Variants in FTCDNL1 observed in about 807,000 individuals in gnomAD.
FTCDNL1 encodes the protein formiminotransferase N-terminal subdomain-containing protein.
Under a neutral mutation model 5.9 loss-of-function variants are expected in FTCDNL1, and 11 were observed. The ratio of observed to expected loss-of-function variants is 1.87; its 90% CI spans 1.18 to 3.10. FTCDNL1 has a LOEUF of 3.10. Ranked by LOEUF, FTCDNL1 falls within the 30% of genes most tolerant of loss-of-function variation. The pLI is 0.00. For missense variants in FTCDNL1, 115 were observed against 65.5 expected (o/e 1.76, Z -2.61); for synonymous variants, 58 against 24.8 (o/e 2.34, Z -3.99).
At chr2:199,717,854 A>G in the FTCDNL1 span, among the ~76,000 whole-genome samples, 4 of 152,002 alleles carry the variant, frequency 2.6e-5, no homozygotes, top group African/African-American at 7.3e-5. Flanking sequence ...GTTATTTTCA[A>G]AGAACAAGAT....
intron 3 of FTCDNL1, among the ~76,000 whole-genome samples, chr2:199,777,248 G>A (rs747911243): frequency 4.6e-5 from 7 of 152,014 alleles, no homozygotes; most frequent in South Asian, 2.1e-4. Context: ...AGCCAAGATC[G>A]CGTTGCTGTA....
rs975373824 is a variant in FTCDNL1, at chr2:199,850,939, G to A, written c.-207C>T. 1 of 152,226 alleles carries A rather than the reference G, an allele frequency of 6.6e-6. No individual in the cohort carries two copies. The highest frequency in any genetic ancestry group is 1.5e-5 in the Non-Finnish European group (1 of 68,086). The allele number at this position is 152,226 out of a possible 1,614,324, so 9.4% of individuals were successfully genotyped here. A position where few individuals can be genotyped will look rare whatever the true frequency, so the allele number is the denominator to read the frequency against. ...CTCCCGGCCTCCCCACAGGTCTCGC[G>A]GGACGCAGCAGCGGCGAGGGCGCGG... On this transcript the variant is annotated 5_prime_UTR_variant, in exon 1 of 5. Coordinates refer to ENST00000420128, the MANE Select transcript of FTCDNL1 (RefSeq NM_001363886.2).
chr2:199,766,120 T>C (rs549283211), intron 3 of FTCDNL1, among the ~76,000 whole-genome samples: 62 of 152,302 alleles, frequency 4.1e-4, no homozygotes, highest in African/African-American at 1.5e-3. Flanking sequence ...TGTGAAAACC[T>C]CCTTAAAATG....
intron 3 of FTCDNL1, among the ~76,000 whole-genome samples, chr2:199,821,225 C>A (rs1186579929): frequency 6.6e-6 from 1 of 150,698 alleles, no homozygotes; most frequent in Admixed American, 6.6e-5. Context: ...TCTTGGCTCA[C>A]CGCAAACTCC....
the FTCDNL1 span, among the ~76,000 whole-genome samples, chr2:199,702,674 CT>C: frequency 5.9e-4 from 90 of 152,190 alleles, 1 homozygote; most frequent in Non-Finnish European, 2.4e-4. Flanking sequence ...TAGCACAGAT[CT>C]GTGCCCTTGT....
chr2:199,806,071 C>T (rs1296469489), downstream of FTCDNL1, among the ~76,000 whole-genome samples: 1 of 152,116 alleles, frequency 6.6e-6, no homozygotes, highest in Non-Finnish European at 1.5e-5. Context: ...CACAATACTG[C>T]AAATAGGAAC....
At chr2:199,819,878 T>G in intron 3 of FTCDNL1, 121 bp from the exon 4 acceptor site, 1 of 610,438 alleles carries the variant, frequency 1.6e-6, no homozygotes, top group East Asian at 2.7e-5. Flanking sequence ...ATTTTAGTCA[T>G]TTCTAAGTGT....
At chr2:199,848,749 A>T (rs983416980) in intron 2 of FTCDNL1, 99 bp downstream of exon 2, 9 of 587,262 alleles carry the variant, frequency 1.5e-5, no homozygotes, top group Non-Finnish European at 2.7e-5. Context: ...TCAGGAAGAA[A>T]GAAAGAAAAG....
the FTCDNL1 span, among the ~76,000 whole-genome samples, chr2:199,708,579 G>T: frequency 2.6e-4 from 39 of 152,182 alleles, no homozygotes; most frequent in African/African-American, 9.4e-4. Flanking sequence ...TTATTTCAAG[G>T]TTTGTTCTCA....
chr2:199,837,717 TTA>T (rs1702848693), intron 3 of FTCDNL1, among the ~76,000 whole-genome samples: 1 of 152,202 alleles, frequency 6.6e-6, no homozygotes. Context: ...CCTTAATGTT[TTA>T]TATATTTTTT....
At chr2:199,744,329 A>T in the FTCDNL1 span, among the ~76,000 whole-genome samples, 1 of 152,212 alleles carries the variant, frequency 6.6e-6, no homozygotes, top group Non-Finnish European at 1.5e-5. Flanking sequence ...ATTAAGATTA[A>T]ATAAAGTCAG....
the FTCDNL1 span, among the ~76,000 whole-genome samples, chr2:199,752,922 G>A: frequency 6.6e-6 from 1 of 151,942 alleles, no homozygotes; most frequent in South Asian, 2.1e-4. Flanking sequence ...CTTGAGAAAG[G>A]GTGAGTTTAG....
At chr2:199,750,219 T>A in the FTCDNL1 span, among the ~76,000 whole-genome samples, 1,300 of 151,420 alleles carry the variant, frequency 8.6e-3, 9 homozygotes, top group Non-Finnish European at 0.014. Context: ...TAGCCGAGCT[T>A]GGTGGTATGT....
the FTCDNL1 span, among the ~76,000 whole-genome samples, chr2:199,752,610 C>G: frequency 1.3e-5 from 2 of 152,156 alleles, no homozygotes; most frequent in African/African-American, 4.8e-5. Context: ...AGCATCGGCT[C>G]TCCCTCAACC....
At chr2:199,742,389 T>G in the FTCDNL1 span, among the ~76,000 whole-genome samples, 6 of 152,198 alleles carry the variant, frequency 3.9e-5, no homozygotes, top group Non-Finnish European at 8.8e-5. Flanking sequence ...AAAGTAACTC[T>G]GTTTCTTAGG....
the FTCDNL1 span, among the ~76,000 whole-genome samples, chr2:199,700,735 C>T: frequency 6.6e-6 from 1 of 152,102 alleles, no homozygotes; most frequent in Non-Finnish European, 1.5e-5. Flanking sequence ...AATAAAGCCG[C>T]ACACCTGCAA....
chr2:199,719,408 T>C, the FTCDNL1 span, among the ~76,000 whole-genome samples: 28 of 152,330 alleles, frequency 1.8e-4, no homozygotes, highest in African/African-American at 6.5e-4. Context: ...ATCACTACCA[T>C]GCTGTTTTGG....
intron 3 of FTCDNL1, among the ~76,000 whole-genome samples, chr2:199,768,887 G>A (rs1245451315): frequency 2.0e-5 from 3 of 152,132 alleles, no homozygotes; most frequent in African/African-American, 7.2e-5. Context: ...CTCCACAAAG[G>A]AAACGTTTGG....
At chr2:199,803,414 G>A (rs979379723) in intron 3 of FTCDNL1, among the ~76,000 whole-genome samples, 14 of 151,690 alleles carry the variant, frequency 9.2e-5, no homozygotes, top group African/African-American at 3.1e-4. Flanking sequence ...AGAGAGGCCT[G>A]GAGATCTGAG....
Sources: gnomAD v4.1 joint callset for allele counts (sites outside exome capture counted in the v4.1 genomes callset) on GRCh38, gnomAD v4.1.1 for gene constraint, MANE v1.5 for transcripts, NCBI Gene and HGNC (gene_info 2026-07-23, HGNC 2026-07-21) for gene names.